Variants in NRG1 observed in about 807,000 individuals in gnomAD.
The protein encoded by NRG1 is neuregulin 1.
A neutral mutation model predicts 63.8 loss-of-function variants in NRG1; 18 were observed. The observed-to-expected ratio is 0.28, with a 90% CI of 0.19 to 0.42. The LOEUF (loss-of-function observed/expected upper bound fraction) is 0.42. Among genes scored for constraint, NRG1 ranks in the 10% least tolerant of loss-of-function variants. The pLI is 1.00. For synonymous variants in NRG1, 302 were observed against 301.3 expected (o/e 1.00, Z -0.02); for missense variants, 762 against 814.7 (o/e 0.94, Z 0.79).
At chr8:31,732,128 T>C (rs1053291388) in intron 1 of NRG1, among the ~76,000 whole-genome samples, 2 of 152,200 alleles carry the variant, frequency 1.3e-5, no homozygotes, top group Non-Finnish European at 2.9e-5. Context: ...TTCTTGGTGA[T>C]GACAGCAGGG....
chr8:31,639,632 C>T, intron 1 of NRG1: 2 of 1,408,928 alleles, frequency 1.4e-6, no homozygotes, highest in Non-Finnish European at 9.2e-7. Context: ...CGTCCTCCTC[C>T]GGTGACAGCA....
chr8:32,656,671 C>T (rs748229099), intron 5 of NRG1, among the ~76,000 whole-genome samples: 1 of 152,124 alleles, frequency 6.6e-6, no homozygotes, highest in Admixed American at 6.5e-5. Flanking sequence ...AAGTATAATA[C>T]CTTTGCTGCA....
chr8:31,678,241 G>C (rs1270056568), intron 1 of NRG1, among the ~76,000 whole-genome samples: 1 of 152,008 alleles, frequency 6.6e-6, no homozygotes, highest in East Asian at 1.9e-4. Context: ...CATAGGAAAG[G>C]CTACATACTT....
At chr8:31,733,056 G>A (rs927492073) in intron 1 of NRG1, among the ~76,000 whole-genome samples, 4 of 151,960 alleles carry the variant, frequency 2.6e-5, no homozygotes, top group African/African-American at 9.7e-5. Context: ...ATGAGAACAT[G>A]CAGCATTTAT....
At chr8:31,755,693 T>C (rs1261637407) in intron 1 of NRG1, among the ~76,000 whole-genome samples, 1 of 152,086 alleles carries the variant, frequency 6.6e-6, no homozygotes, top group Non-Finnish European at 1.5e-5. Flanking sequence ...CCAAATACTA[T>C]ATCTGGGGCA....
chr8:32,140,756 G>T (rs1300747040), intron 1 of NRG1, among the ~76,000 whole-genome samples: 5 of 152,086 alleles, frequency 3.3e-5, no homozygotes, highest in Non-Finnish European at 7.4e-5. Flanking sequence ...AGCCACCCAT[G>T]TACCTGGTTT....
At chr8:32,045,356 C>T (rs11776775) in intron 1 of NRG1, among the ~76,000 whole-genome samples, 47,726 of 151,636 alleles carry the variant, frequency 0.31, 8,695 homozygotes, top group East Asian at 0.66. Context: ...GAGACATGTA[C>T]CTTGTTCATG....
At chr8:31,929,344 C>T (rs1406295971) in intron 1 of NRG1, among the ~76,000 whole-genome samples, 1 of 152,012 alleles carries the variant, frequency 6.6e-6, no homozygotes, top group Non-Finnish European at 1.5e-5. Flanking sequence ...TTACAAATTT[C>T]ATCTGATCAT....
rs71209904 is a variant in NRG1 at position 32,725,464 on chromosome 8, A to ATTTTTTTTTTTTTTTTTTTTT, written c.503-2476_503-2456dup. On this transcript the variant is annotated intron_variant, in intron 5 of 11. Transcript: ENST00000356819. ...TTTAACATTCGAGGCAAACTTCCTA[A>ATTTTTTTTTTTTTTTTTTTTT]TTTTTTTTTTTTTTTTTTTTTTTTT... 4.0e-4 allele frequency among the ~76,000 whole-genome samples: 27 copies of ATTTTTTTTTTTTTTTTTTTTT among 67,582 alleles called. 2 individuals are homozygous for ATTTTTTTTTTTTTTTTTTTTT. The highest frequency in any genetic ancestry group is 1.3e-3 in the East Asian group (2 of 1,574). 44.3% of individuals were successfully genotyped at this position (67,582 alleles called of 152,430 possible).
At chr8:32,717,724 G>T (rs776737594) in intron 5 of NRG1, among the ~76,000 whole-genome samples, 1 of 152,124 alleles carries the variant, frequency 6.6e-6, no homozygotes, top group Admixed American at 6.6e-5. Flanking sequence ...ATATAGCAAC[G>T]TGCAGTCTGG....
At chr8:32,098,269 G>C (rs1392286560) in intron 1 of NRG1, among the ~76,000 whole-genome samples, 1 of 152,222 alleles carries the variant, frequency 6.6e-6, no homozygotes, top group Non-Finnish European at 1.5e-5. Flanking sequence ...AGAGAGTAAT[G>C]AGTTTAAGTT....
chr8:32,324,833 G>A (rs1359510190), intron 1 of NRG1, among the ~76,000 whole-genome samples: 2 of 152,130 alleles, frequency 1.3e-5, no homozygotes, highest in South Asian at 2.1e-4. Flanking sequence ...GCAACTAAGT[G>A]TGCAGGCCCT....
chr8:31,895,118 G>T (rs1032649261), intron 1 of NRG1, among the ~76,000 whole-genome samples: 3 of 152,204 alleles, frequency 2.0e-5, no homozygotes, highest in African/African-American at 7.2e-5. Flanking sequence ...TAACAGTAAG[G>T]TGCATTTATA....
chr8:31,700,264 G>A (rs1439811295), intron 1 of NRG1, among the ~76,000 whole-genome samples: 2 of 152,104 alleles, frequency 1.3e-5, no homozygotes, highest in Admixed American at 6.6e-5. Flanking sequence ...TGATCCTGAA[G>A]TGGAGGGGAA....
At chr8:31,960,172 G>T (rs1805213687) in intron 1 of NRG1, among the ~76,000 whole-genome samples, 1 of 152,184 alleles carries the variant, frequency 6.6e-6, no homozygotes, top group Non-Finnish European at 1.5e-5. Flanking sequence ...TGACAGGTTG[G>T]ATGGAAGATA....
intron 5 of NRG1, among the ~76,000 whole-genome samples, chr8:32,710,387 G>T (rs551577199): frequency 3.9e-5 from 6 of 152,198 alleles, no homozygotes; most frequent in African/African-American, 1.4e-4. Context: ...TTGCATTGCG[G>T]TCAATCAGAG....
intron 1 of NRG1, among the ~76,000 whole-genome samples, chr8:32,481,501 T>C (rs1451061281): frequency 6.6e-6 from 1 of 152,236 alleles, no homozygotes; most frequent in Non-Finnish European, 1.5e-5. Flanking sequence ...GCCATTATCA[T>C]GGTCCATAGA....
intron 5 of NRG1, among the ~76,000 whole-genome samples, chr8:32,658,225 C>A (rs1254290657): frequency 6.6e-6 from 1 of 152,106 alleles, no homozygotes; most frequent in South Asian, 2.1e-4. Flanking sequence ...TTCTCAAAAT[C>A]CTTGCAAAAT....
At chr8:32,191,268 A>T (rs185021746) in intron 1 of NRG1, among the ~76,000 whole-genome samples, 34 of 152,160 alleles carry the variant, frequency 2.2e-4, no homozygotes, top group Admixed American at 1.8e-3. Flanking sequence ...TATTTTTAGC[A>T]GGGACAGGGT....
Sources: gnomAD v4.1 joint callset for allele counts (sites outside exome capture counted in the v4.1 genomes callset) on GRCh38, gnomAD v4.1.1 for gene constraint, MANE v1.5 for transcripts, NCBI Gene and HGNC (gene_info 2026-07-23, HGNC 2026-07-21) for gene names.